PRDM6: variants seen among roughly 807,000 people sequenced by gnomAD.
PRDM6 encodes the protein PR/SET domain 6.
In PRDM6, 25 loss-of-function variants were observed where a neutral mutation model predicts 60.8. That is an observed-to-expected ratio of 0.41 (90% CI 0.30 to 0.57). The LOEUF (loss-of-function observed/expected upper bound fraction) is 0.57, where lower values mean the gene tolerates loss of function less well. Ranked by LOEUF, PRDM6 falls within the 20% of genes least tolerant of loss-of-function variation. The pLI is 0.27. For missense variants in PRDM6, 839 were observed against 821.3 expected (o/e 1.02, Z -0.26); for synonymous variants, 407 against 357.4 (o/e 1.14, Z -1.57).
At chr5:123,105,569 A>G (rs575689258) in intron 3 of PRDM6, among the ~76,000 whole-genome samples, 1 of 152,356 alleles carries the variant, frequency 6.6e-6, no homozygotes, top group South Asian at 2.1e-4. Context: ...GAATATGCCT[A>G]CAATATCAAA....
chr5:123,095,884 CAGAAA>C (rs904831975), intron 2 of PRDM6, among the ~76,000 whole-genome samples: 23 of 152,160 alleles, frequency 1.5e-4, no homozygotes, highest in African/African-American at 5.3e-4. Flanking sequence ...AATGAAATTC[CAGAAA>C]AGAAAACCAT....
chr5:123,157,039 C>T (rs1561862641), intron 4 of PRDM6, among the ~76,000 whole-genome samples: 1 of 151,648 alleles, frequency 6.6e-6, no homozygotes, highest in Non-Finnish European at 1.5e-5. Flanking sequence ...GGAGTCCTGC[C>T]TATGGCTATT....
At chr5:123,142,903 CA>C (rs1337695138) in intron 3 of PRDM6, among the ~76,000 whole-genome samples, 1 of 68,128 alleles carries the variant, frequency 1.5e-5, no homozygotes, top group Non-Finnish European at 2.8e-5. Context: ...AAAAAAAAAA[CA>C]AACAAACCAA....
chr5:123,119,280 T>C (rs335161), intron 3 of PRDM6, among the ~76,000 whole-genome samples: 2 of 151,676 alleles, frequency 1.3e-5, no homozygotes, highest in African/African-American at 2.4e-5. Flanking sequence ...AAAAACAAGA[T>C]GAGAGATTTA....
At chr5:123,126,477 A>G (rs746183668) in intron 3 of PRDM6, among the ~76,000 whole-genome samples, 12 of 151,486 alleles carry the variant, frequency 7.9e-5, no homozygotes, top group Admixed American at 2.6e-4. Context: ...GATCAGTACT[A>G]TTTGGGATGA....
chr5:123,089,908 G>T, intron 1 of PRDM6, 92 bp from the exon 2 acceptor site: 1 of 960,258 alleles, frequency 1.0e-6, no homozygotes, highest in East Asian at 3.0e-5. Flanking sequence ...TGAACCACCG[G>T]CTCGGGCACT....
rs945961280 is a variant in PRDM6, at chr5:123,192,913, T to C, written c.*5712T>C. On this transcript the variant is annotated 3_prime_UTR_variant, in exon 8 of 8. Coordinates refer to ENST00000407847, the MANE Select transcript of PRDM6 (RefSeq NM_001136239.4). ...AGTGCAGCAGAAAGACTGGAGTCAT[T>C]ATAGGTTTGGTTTGTCAAAGGCACA... 2.0e-5 allele frequency: 3 copies of C among 152,174 alleles called. No individual in the cohort carries two copies. Among genetic ancestry groups the C allele is most frequent in the African/African-American group, 7.2e-5 (3 of 41,428 alleles). The allele number at this position is 152,174 out of a possible 1,614,324, so 9.4% of individuals were successfully genotyped here.
chr5:123,164,213 G>A (rs1765702306), intron 5 of PRDM6, among the ~76,000 whole-genome samples: 1 of 152,214 alleles, frequency 6.6e-6, no homozygotes, highest in Admixed American at 6.5e-5. Context: ...TGTGTGAGGT[G>A]GCCACAGCAG....
intron 5 of PRDM6, among the ~76,000 whole-genome samples, chr5:123,170,441 A>T (rs1304829078): frequency 1.3e-5 from 2 of 152,138 alleles, no homozygotes; most frequent in East Asian, 3.9e-4. Context: ...TGTGCCTCCC[A>T]TCTAAACTCC....
intron 1 of PRDM6, among the ~76,000 whole-genome samples, chr5:123,089,768 T>C (rs1763761569): frequency 6.6e-6 from 1 of 152,190 alleles, no homozygotes; most frequent in African/African-American, 2.4e-5. Flanking sequence ...GGATGGGAGC[T>C]GGACGCTGCG....
intron 3 of PRDM6, among the ~76,000 whole-genome samples, chr5:123,144,295 C>G (rs1765187397): frequency 6.6e-6 from 1 of 152,208 alleles, no homozygotes; most frequent in African/African-American, 2.4e-5. Flanking sequence ...CAGCTGCTCT[C>G]CCCCATAGTG....
Position 123,171,019 on chromosome 5 carries a change from C to T in PRDM6, c.1407C>T (p.Asp469=). ...STSQLHSEFS[D]WHLWKCGQCF... ...GCCAGCTCCACTCGGAGTTCAGTGA[C>T]TGGCATCTTTGGAAATGTGGGCAGT... is the stretch of plus-strand genomic sequence containing the variant. Residue 469 remains aspartate (D), a synonymous_variant, in exon 6 of 8, where the codon GAC becomes GAT. Transcript: ENST00000407847. 5 of 1,552,004 alleles carry T rather than the reference C, an allele frequency of 3.2e-6. No individual in the cohort carries two copies. The highest frequency in any genetic ancestry group is 4.4e-6 in the Non-Finnish European group (5 of 1,147,072).
At position 123,111,422 on chromosome 5, in the gene PRDM6, G is replaced by A. The variant is rs190174404; in HGVS notation, c.900+11461G>A. Among the ~76,000 whole-genome samples, 279 of 152,304 alleles carry A rather than the reference G, an allele frequency of 1.8e-3. 2 individuals carry two copies. In the Middle Eastern group the frequency reaches 0.024, roughly 13 times the overall value. ...TCCTTAAGAAACAAAACGCCGGCAG[G>A]GCGCGGTGGCTCACGTCTGTAATCC... On this transcript the variant is annotated intron_variant, in intron 3 of 7. Transcript: ENST00000407847.
Position 123,170,917 on chromosome 5 carries a change from G to A in PRDM6, c.1305G>A (p.Lys435=). The change falls in exon 6 of 8, where the codon AAG becomes AAA. Residue 435 remains lysine, a synonymous_variant. Transcript: ENST00000407847. ...PCSRNFSLLD[K]SGPIESGFNQ... ...GCAGGAACTTCTCTCTTCTGGATAA[G>A]TCTGGGCCCATTGAATCAGGATTTA... 2 of 1,552,110 alleles carry A rather than the reference G, an allele frequency of 1.3e-6. No individual in the cohort carries two copies. The highest frequency in any genetic ancestry group is 1.7e-6 in the Non-Finnish European group (2 of 1,147,076).
rs1764182453 is a variant in PRDM6, at chr5:123,105,496, A to G, written c.900+5535A>G. The stretch of plus-strand genomic sequence containing the variant: ...TTACCCAGAAATCACTTACAGTTGT[A>G]GTATAATATGGATTAAAAATTGTTG... On this transcript the variant is annotated intron_variant, in intron 3 of 7. Transcript: ENST00000407847. Among the ~76,000 whole-genome samples, 8 of 152,360 alleles carry G rather than the reference A, an allele frequency of 5.3e-5. No homozygotes were observed. The South Asian group carries it at 1.7e-3, about 32-fold the overall frequency.
rs1239600645 is a variant in PRDM6, at chr5:123,156,002, T to C, written c.1019T>C (p.Val340Ala). ...RHCGEQNLTV[V>A]QYRSNIFYRA... is the part of the protein sequence containing the mutation. ...TGCGGAGAACAGAATCTAACAGTAG[T>C]TCAGTACAGGTAAAGTATATCTTGA... The change falls in exon 4 of 8, where the codon GTT (valine) becomes GCT (alanine). Residue 340 changes from valine to alanine, a missense_variant. Physicochemically the swap from Val to Ala is moderately conservative, Grantham distance 64. Around this residue, in one of 2 missense-constraint regions of PRDM6, gnomAD observed 730 missense variants for 648.8 expected, o/e 1.13. Coordinates refer to ENST00000407847, the MANE Select transcript of PRDM6 (RefSeq NM_001136239.4). 6.4e-7 allele frequency: 1 copy of C among 1,551,238 alleles called. No homozygotes were observed. The highest frequency in any genetic ancestry group is 8.7e-7 in the Non-Finnish European group (1 of 1,146,728).
intron 5 of PRDM6, among the ~76,000 whole-genome samples, chr5:123,161,892 C>T (rs1354237377): frequency 6.6e-6 from 1 of 152,182 alleles, no homozygotes; most frequent in East Asian, 1.9e-4. Flanking sequence ...GGGGGAAGAG[C>T]AGGGAATCCA....
In PRDM6 at chr5:123,187,610, T is replaced by C. The variant is rs1766318022; in HGVS notation, c.*409T>C. On this transcript the variant is annotated 3_prime_UTR_variant, in exon 8 of 8. Coordinates refer to ENST00000407847, the MANE Select transcript of PRDM6 (RefSeq NM_001136239.4). ...TTGCACCTTTTTTTAGTAACATGTT[T>C]CATGGGGACCCACTGTACAGCCCTT... The C allele has an allele frequency of 5.2e-6, 1 of 193,800 alleles. No homozygotes were observed. Among genetic ancestry groups the C allele is most frequent in the Admixed American group, 5.5e-5 (1 of 18,170 alleles). The allele number at this position is 193,800 out of a possible 1,614,324, so 12.0% of individuals were successfully genotyped here. A position where few individuals can be genotyped will look rare whatever the true frequency, so the allele number is the denominator to read the frequency against.
chr5:123,167,411 C>T (rs1412987716), intron 5 of PRDM6, among the ~76,000 whole-genome samples: 5 of 145,304 alleles, frequency 3.4e-5, no homozygotes, highest in Non-Finnish European at 6.0e-5. Context: ...TTTTTTGAGA[C>T]GGAGTTTCAC....
Sources: allele counts gnomAD v4.1 joint callset (sites outside exome capture counted in the v4.1 genomes callset), GRCh38; gene constraint gnomAD v4.1.1; regional missense constraint gnomAD v4.1.1; transcripts MANE v1.5; gene names NCBI Gene and HGNC (gene_info 2026-07-23, HGNC 2026-07-21).